Variants in TMEM74 observed in about 807,000 individuals in gnomAD.
TMEM74 encodes the protein transmembrane protein 74.
A neutral mutation model predicts 18.1 loss-of-function variants in TMEM74; 13 were observed. The observed-to-expected ratio is 0.72, with a 90% CI of 0.47 to 1.14. The LOEUF (loss-of-function observed/expected upper bound fraction) is 1.14. Ranked by LOEUF, TMEM74 falls within the 50% of genes most tolerant of loss-of-function variation. The probability of loss-of-function intolerance (pLI) is 0.00; values close to 1 mark genes in which losing one functional copy is unlikely to be tolerated. For missense variants in TMEM74, 372 were observed against 375.9 expected (o/e 0.99, Z 0.09); for synonymous variants, 159 against 146.6 (o/e 1.08, Z -0.61).
intron 1 of TMEM74, among the ~76,000 whole-genome samples, chr8:108,750,883 A>C (rs1302837437): frequency 1.3e-5 from 2 of 152,056 alleles, no homozygotes; most frequent in Non-Finnish European, 2.9e-5. Flanking sequence ...GTCTCTTCCA[A>C]GCGTATTTTC....
chr8:108,776,076 C>G (rs1162289987), downstream of TMEM74, among the ~76,000 whole-genome samples: 1 of 152,212 alleles, frequency 6.6e-6, no homozygotes, highest in Non-Finnish European at 1.5e-5. Context: ...CAATGAAGAA[C>G]AGTCTCTTGT....
chr8:108,647,880 A>T (rs1812735886), intron 2 of TMEM74, among the ~76,000 whole-genome samples: 1 of 152,072 alleles, frequency 6.6e-6, no homozygotes, highest in Admixed American at 6.6e-5. Context: ...CAGGAACACT[A>T]TGGGGTTTGG....
chr8:108,720,757 A>ATTT (rs1563534967), intron 1 of TMEM74, among the ~76,000 whole-genome samples: 2 of 49,510 alleles, frequency 4.0e-5, no homozygotes, highest in Admixed American at 2.1e-4. Flanking sequence ...TTTATTTATT[A>ATTT]GTTTGTTTGT....
intron 2 of TMEM74, among the ~76,000 whole-genome samples, chr8:108,612,796 T>C (rs1419913082): frequency 6.6e-6 from 1 of 152,210 alleles, no homozygotes; most frequent in Non-Finnish European, 1.5e-5. Context: ...CTCTAGTTTC[T>C]TCTTCAAGTT....
chr8:108,752,278 A>G (rs1813911607), intron 1 of TMEM74, among the ~76,000 whole-genome samples: 1 of 152,102 alleles, frequency 6.6e-6, no homozygotes, highest in Non-Finnish European at 1.5e-5. Context: ...CTCATCTCTA[A>G]GATAACAAAA....
At chr8:108,786,015 G>A (rs1425329431) in intron 1 of TMEM74, among the ~76,000 whole-genome samples, 2 of 152,162 alleles carry the variant, frequency 1.3e-5, no homozygotes, top group African/African-American at 4.8e-5. Context: ...CCCTGGGTCT[G>A]TGTTCCTCCC....
chr8:108,620,571 C>T (rs1812429394), intron 2 of TMEM74, among the ~76,000 whole-genome samples: 1 of 152,100 alleles, frequency 6.6e-6, no homozygotes, highest in Admixed American at 6.6e-5. Context: ...TGATTTGCTC[C>T]AGATCATATC....
intron 1 of TMEM74, among the ~76,000 whole-genome samples, chr8:108,683,153 C>G (rs1245018872): frequency 1.3e-5 from 2 of 151,716 alleles, no homozygotes; most frequent in African/African-American, 4.8e-5. Flanking sequence ...TACTGAAGGT[C>G]TATTCTTATA....
chr8:108,701,716 T>C (rs549748910), intron 1 of TMEM74, among the ~76,000 whole-genome samples: 46 of 152,212 alleles, frequency 3.0e-4, no homozygotes, highest in African/African-American at 1.1e-3. Flanking sequence ...TGAGGAAAAC[T>C]GCAAAACTCT....
intron 1 of TMEM74, among the ~76,000 whole-genome samples, chr8:108,717,397 T>C (rs1813536551): frequency 6.6e-6 from 1 of 152,162 alleles, no homozygotes; most frequent in South Asian, 2.1e-4. Flanking sequence ...AAAACAGTAA[T>C]TGAACATCTA....
intron 1 of TMEM74, among the ~76,000 whole-genome samples, chr8:108,732,650 G>T (rs1344489939): frequency 6.6e-6 from 1 of 151,842 alleles, no homozygotes; most frequent in East Asian, 1.9e-4. Context: ...TCTCAAAAAT[G>T]GTGCCAGAGG....
At chr8:108,661,754 C>T (rs781303501) in intron 1 of TMEM74, among the ~76,000 whole-genome samples, 1 of 152,058 alleles carries the variant, frequency 6.6e-6, no homozygotes, top group Admixed American at 6.6e-5. Context: ...GGGCAGCCTC[C>T]TTTCTGGGTA....
chr8:108,676,123 G>A (rs1367386593), intron 1 of TMEM74, among the ~76,000 whole-genome samples: 3 of 152,110 alleles, frequency 2.0e-5, no homozygotes, highest in Non-Finnish European at 4.4e-5. Flanking sequence ...GTAAAGGAGT[G>A]GGGAAAGATA....
chr8:108,647,136 G>A (rs1365997244), intron 2 of TMEM74, among the ~76,000 whole-genome samples: 2 of 152,138 alleles, frequency 1.3e-5, no homozygotes, highest in Non-Finnish European at 2.9e-5. Context: ...CTTGAGTCAT[G>A]TAATTTTGGA....
At chr8:108,757,990 A>T (rs1813997030) in intron 1 of TMEM74, among the ~76,000 whole-genome samples, 1 of 152,068 alleles carries the variant, frequency 6.6e-6, no homozygotes, top group Non-Finnish European at 1.5e-5. Flanking sequence ...AGAATTTAAA[A>T]ATTGAATTTT....
chr8:108,747,683 T>C (rs543472026), intron 1 of TMEM74, among the ~76,000 whole-genome samples: 1 of 152,146 alleles, frequency 6.6e-6, no homozygotes, highest in African/African-American at 2.4e-5. Flanking sequence ...CAGCATCCAT[T>C]AGCTATTCTT....
chr8:108,771,874 T>G (rs911618502), intron 1 of TMEM74, among the ~76,000 whole-genome samples: 1 of 152,144 alleles, frequency 6.6e-6, no homozygotes, highest in African/African-American at 2.4e-5. Context: ...AGATACATAC[T>G]GTTAAGTTAT....
chr8:108,707,871 AC>A (rs1281194664), intron 1 of TMEM74, among the ~76,000 whole-genome samples: 1 of 152,190 alleles, frequency 6.6e-6, no homozygotes, highest in African/African-American at 2.4e-5. Context: ...ACAATTCTGT[AC>A]CAGCAAAGGA....
rs1401267444 is a variant in TMEM74, at chr8:108,782,370, GCTCT to G, written c.*1807_*1810del. ...TTCTTTCTTTTCAGTAATCAGTATT[GCTCT>G]ATAACATAAGGCAATTAACTACATC... On this transcript the variant is annotated 3_prime_UTR_variant, in exon 2 of 2. Coordinates refer to ENST00000297459, the MANE Select transcript of TMEM74 (RefSeq NM_153015.3). Among the ~76,000 whole-genome samples, 1 of 152,094 alleles carries G rather than the reference GCTCT, an allele frequency of 6.6e-6. No homozygotes were observed. Among genetic ancestry groups the G allele is most frequent in the African/African-American group, 2.4e-5 (1 of 41,398 alleles).
Sources: gnomAD v4.1 joint callset for allele counts (sites outside exome capture counted in the v4.1 genomes callset) on GRCh38, gnomAD v4.1.1 for gene constraint, MANE v1.5 for transcripts, NCBI Gene and HGNC (gene_info 2026-07-23, HGNC 2026-07-21) for gene names.